The following PRKG1 variants were observed in gnomAD, a reference collection of about 807,000 sequenced individuals.
PRKG1 encodes cGMP-dependent protein kinase 1.
PRKG1 carries 35 observed loss-of-function variants against 88.1 expected under a neutral mutation model. That is an observed-to-expected ratio of 0.40 (90% CI 0.30 to 0.53). The LOEUF is 0.53. Among genes scored for constraint, PRKG1 ranks in the 20% least tolerant of loss-of-function variants. PRKG1 has a pLI of 0.59. For missense variants in PRKG1, 540 were observed against 839.8 expected, an observed-to-expected ratio of 0.64 and a Z score of 4.41; for synonymous variants, 303 against 292.5, an observed-to-expected ratio of 1.04 and a Z score of -0.37.
intron 1 of PRKG1, among the ~76,000 whole-genome samples, chr10:51,103,696 C>T (rs909202840): frequency 6.6e-6 from 1 of 152,116 alleles, no homozygotes; most frequent in African/African-American, 2.4e-5. Flanking sequence ...GGTTAACAGG[C>T]AGGAAGTGTC....
chr10:51,376,676 TTTTG>T (rs970568045), intron 2 of PRKG1, among the ~76,000 whole-genome samples: 8 of 152,128 alleles, frequency 5.3e-5, no homozygotes, highest in African/African-American at 1.4e-4. Context: ...TGTTGTTGTT[TTTTG>T]TTTGTTTGTT....
At chr10:51,136,741 G>A (rs1845694295) in intron 1 of PRKG1, among the ~76,000 whole-genome samples, 1 of 152,038 alleles carries the variant, frequency 6.6e-6, no homozygotes, top group Non-Finnish European at 1.5e-5. Context: ...AAGGTTTCTT[G>A]TAGTTCTCTA....
intron 2 of PRKG1, among the ~76,000 whole-genome samples, chr10:51,285,247 G>A (rs1185271900): frequency 1.3e-5 from 2 of 151,728 alleles, no homozygotes; most frequent in African/African-American, 4.8e-5. Context: ...CTGAACAATG[G>A]GTTTCTAGTT....
intron 5 of PRKG1, among the ~76,000 whole-genome samples, chr10:51,965,223 T>C (rs1843539255): frequency 6.6e-6 from 1 of 152,142 alleles, no homozygotes; most frequent in Non-Finnish European, 1.5e-5. Flanking sequence ...CCTGATTCTT[T>C]CTCTCTTCCC....
At chr10:51,093,975 T>A (rs1039888186) in intron 1 of PRKG1, among the ~76,000 whole-genome samples, 1 of 151,676 alleles carries the variant, frequency 6.6e-6, no homozygotes, top group Non-Finnish European at 1.5e-5. Context: ...TTCCTTGTGG[T>A]TGTTTGTCCA....
chr10:51,891,011 C>T (rs946528431), intron 4 of PRKG1, among the ~76,000 whole-genome samples: 2 of 152,054 alleles, frequency 1.3e-5, no homozygotes, highest in Admixed American at 6.6e-5. Flanking sequence ...CCTGTAATCC[C>T]AGCATTTTGG....
At chr10:52,188,304 A>G (rs200789604) in intron 9 of PRKG1, among the ~76,000 whole-genome samples, 1 of 118,360 alleles carries the variant, frequency 8.4e-6, no homozygotes, top group African/African-American at 3.7e-5. Flanking sequence ...ATATATATGT[A>G]TATATATACA....
intron 1 of PRKG1, among the ~76,000 whole-genome samples, chr10:51,048,213 T>C (rs1843515674): frequency 6.6e-6 from 1 of 152,152 alleles, no homozygotes; most frequent in South Asian, 2.1e-4. Context: ...TTTCCTATTT[T>C]CCTTTCTTCC....
intron 1 of PRKG1, among the ~76,000 whole-genome samples, chr10:51,127,805 G>T (rs377086491): frequency 6.6e-5 from 10 of 152,284 alleles, no homozygotes; most frequent in African/African-American, 2.4e-4. Flanking sequence ...CATGCCCTTT[G>T]CAGGGACATA....
At chr10:51,074,341 A>T, upstream of PRKG1, 1 of 857,300 alleles carries the variant, frequency 1.2e-6, no homozygotes, top group Non-Finnish European at 1.7e-6. Flanking sequence ...CCCGGGTTGG[A>T]CCTGCTGGTT....
At chr10:52,152,236 G>A (rs1242403416) in intron 8 of PRKG1, among the ~76,000 whole-genome samples, 1 of 152,074 alleles carries the variant, frequency 6.6e-6, no homozygotes, top group Non-Finnish European at 1.5e-5. Flanking sequence ...AGTCCATCCA[G>A]CTATTTATTA....
rs1377853755 is a variant in PRKG1 at position 51,804,670 on chromosome 10, G to A, written c.678G>A (p.Glu226=). ...MMRTGLIKHT[E]YMEFLKSVPT... is the part of the protein sequence containing the mutation. ...GGACAGGACTCATCAAGCATACCGA[G>A]TATATGGAATTTTTAAAAAGGTAGG... The change falls in exon 4 of 18, where the codon GAG becomes GAA. Residue 226 remains glutamate (E), a synonymous_variant. Transcript: ENST00000373980. 6 of 1,584,118 alleles carry A rather than the reference G, an allele frequency of 3.8e-6. No individual in the cohort carries two copies. Among genetic ancestry groups the A allele is most frequent in the Non-Finnish European group, 5.2e-6 (6 of 1,153,798 alleles).
intron 3 of PRKG1, among the ~76,000 whole-genome samples, chr10:51,519,845 C>A (rs1177335525): frequency 1.3e-5 from 2 of 152,088 alleles, no homozygotes; most frequent in African/African-American, 4.8e-5. Flanking sequence ...AGAAACCTGA[C>A]CCAGATGATA....
chr10:51,694,848 G>A (rs997688253), intron 3 of PRKG1, among the ~76,000 whole-genome samples: 2 of 152,150 alleles, frequency 1.3e-5, no homozygotes, highest in African/African-American at 4.8e-5. Context: ...AAGGCTCTAT[G>A]CTTTCTACAT....
intron 1 of PRKG1, among the ~76,000 whole-genome samples, chr10:51,035,223 A>G (rs1312789063): frequency 6.6e-6 from 1 of 152,196 alleles, no homozygotes; most frequent in African/African-American, 2.4e-5. Context: ...GCAAACAGGA[A>G]TAATAATGCT....
intron 5 of PRKG1, among the ~76,000 whole-genome samples, chr10:51,924,159 G>C (rs1842522728): frequency 6.6e-6 from 1 of 151,954 alleles, no homozygotes. Flanking sequence ...GTATGTCTGA[G>C]TTTCTGACCT....
At chr10:51,959,531 C>G (rs1306168602) in intron 5 of PRKG1, among the ~76,000 whole-genome samples, 1 of 152,042 alleles carries the variant, frequency 6.6e-6, no homozygotes, top group African/African-American at 2.4e-5. Context: ...GCTTTGATGC[C>G]TCCTAGGTTG....
At chr10:52,276,220 C>A (rs11001421) in intron 12 of PRKG1, among the ~76,000 whole-genome samples, 6,932 of 152,116 alleles carry the variant, frequency 0.046, 249 homozygotes, top group South Asian at 0.19. Flanking sequence ...TCCAGTACTG[C>A]GTTGAAGAGG....
At chr10:52,104,642 G>T (rs11000792) in intron 7 of PRKG1, among the ~76,000 whole-genome samples, 1 of 151,860 alleles carries the variant, frequency 6.6e-6, no homozygotes, top group African/African-American at 2.4e-5. Flanking sequence ...TGGACTAAAT[G>T]ATATATAAAT....
Sources: gnomAD v4.1 joint callset for allele counts (sites outside exome capture counted in the v4.1 genomes callset) on GRCh38, gnomAD v4.1.1 for gene constraint, MANE v1.5 for transcripts, NCBI Gene and HGNC (gene_info 2026-07-23, HGNC 2026-07-21) for gene names.